Variants in TMPRSS11B observed in about 807,000 individuals in gnomAD.
TMPRSS11B encodes transmembrane protease serine 11B.
TMPRSS11B carries 53 observed loss-of-function variants against 44.7 expected under a neutral mutation model. The observed-to-expected ratio is 1.19, with a 90% CI of 0.95 to 1.49. The LOEUF is 1.49. TMPRSS11B is among the 40% of genes most tolerant of loss of function. The probability of loss-of-function intolerance (pLI) is 0.00; values close to 1 mark genes in which losing one functional copy is unlikely to be tolerated. For synonymous variants in TMPRSS11B, 140 were observed against 159.2 expected (o/e 0.88, Z 0.91); for missense variants, 526 against 494.8 (o/e 1.06, Z -0.60).
chr4:68,231,066 G>T, intron 7 of TMPRSS11B, 137 bp downstream of exon 7: 1 of 650,312 alleles, frequency 1.5e-6, no homozygotes, highest in African/African-American at 1.9e-5. Context: ...TAATTACGCA[G>T]GTGATTGTAA....
chr4:68,230,049 G>A (rs1259790432), intron 7 of TMPRSS11B, among the ~76,000 whole-genome samples: 1 of 152,142 alleles, frequency 6.6e-6, no homozygotes, highest in Non-Finnish European at 1.5e-5. Context: ...CATTTAGTTT[G>A]GATAATAGCC....
chr4:68,243,002 G>A (rs1238946598), intron 1 of TMPRSS11B, among the ~76,000 whole-genome samples: 1 of 152,176 alleles, frequency 6.6e-6, no homozygotes, highest in African/African-American at 2.4e-5. Flanking sequence ...CGGCATCATA[G>A]AGATAAAGCA....
At chr4:68,237,981 C>T (rs141807160) in intron 2 of TMPRSS11B, among the ~76,000 whole-genome samples, 2 of 152,210 alleles carry the variant, frequency 1.3e-5, no homozygotes, top group African/African-American at 4.8e-5. Flanking sequence ...TGCACCACTG[C>T]ACTCCAGACT....
intron 8 of TMPRSS11B, 87 bp downstream of exon 8, chr4:68,229,170 G>C (rs1719435387): frequency 1.1e-5 from 14 of 1,309,530 alleles, no homozygotes; most frequent in Admixed American, 4.7e-5. Flanking sequence ...TTGATTAATT[G>C]CATGAGGGGA....
intron 1 of TMPRSS11B, among the ~76,000 whole-genome samples, chr4:68,245,228 A>G (rs911022718): frequency 6.6e-6 from 1 of 152,208 alleles, no homozygotes; most frequent in Admixed American, 6.5e-5. Context: ...ACATTACTAG[A>G]GAATAAAAAC....
intron 2 of TMPRSS11B, 75 bp downstream of exon 2, chr4:68,241,614 C>T (rs142785506): frequency 1.2e-6 from 1 of 864,698 alleles, no homozygotes; most frequent in South Asian, 1.8e-5. Flanking sequence ...ATTTAATGTT[C>T]ATGTTGTTTT....
At chr4:68,244,579 G>A (rs1719950113) in intron 1 of TMPRSS11B, among the ~76,000 whole-genome samples, 1 of 152,172 alleles carries the variant, frequency 6.6e-6, no homozygotes, top group African/African-American at 2.4e-5. Context: ...AAAAATAAAT[G>A]AAAACTCATT....
In TMPRSS11B at chr4:68,241,675, T is replaced by C. The variant is rs775957990; in HGVS notation, c.124+14A>G. ...TTATAGCAAGGATGAAAACTGAAAA[T>C]AATCAGTACTCACCAACTGCCAGAA... On this transcript the variant is annotated intron_variant, in intron 2 of 9. Transcript: ENST00000332644. The C allele has an allele frequency of 4.7e-6, 7 of 1,491,202 alleles. No homozygotes were observed. Among genetic ancestry groups the C allele is most frequent in the East Asian group, 2.3e-5 (1 of 44,236 alleles). The allele number at this position is 1,491,202 out of a possible 1,614,324, so 92.4% of individuals were successfully genotyped here. A position where few individuals can be genotyped will look rare whatever the true frequency, so the allele number is the denominator to read the frequency against.
intron 4 of TMPRSS11B, 137 bp from the exon 5 acceptor site, chr4:68,234,760 C>A (rs1343450298): frequency 1.2e-6 from 1 of 861,486 alleles, no homozygotes; most frequent in South Asian, 1.9e-5. Flanking sequence ...ACTATCTAAG[C>A]ATGTATAAAA....
In TMPRSS11B at chr4:68,228,892, C is replaced by G. The variant is rs563351333; in HGVS notation, c.947-8G>C. ...GTATCACTGGAAATGAACCTAAAAG[C>G]AATAAGTGCTGCATATTATGCAGAT... is the stretch of plus-strand genomic sequence containing the variant. On this transcript the variant is annotated splice_region_variant and splice_polypyrimidine_tract_variant and intron_variant, in intron 8 of 9. Coordinates refer to ENST00000332644, the MANE Select transcript of TMPRSS11B (RefSeq NM_182502.3). The G allele has an allele frequency of 3.7e-6, 6 of 1,610,822 alleles. No homozygotes were observed. In the African/African-American group the frequency reaches 8.0e-5, roughly 22 times the overall value.
chr4:68,241,192 G>A (rs1288067118), intron 2 of TMPRSS11B, among the ~76,000 whole-genome samples: 2 of 152,078 alleles, frequency 1.3e-5, no homozygotes, highest in Non-Finnish European at 2.9e-5. Context: ...AGCTTTGTGA[G>A]TATACTGTTA....
chr4:68,242,285 T>A lies in TMPRSS11B; in HGVS notation c.9-481A>T, dbSNP rs1481106490. Reference sequence around the variant, plus strand: ...ATATATAATATAATATTATATATATTATATTATACATAATATAATATATAT... The same window carrying A: ...ATATATAATATAATATTATATATATAATATTATACATAATATAATATATAT... On this transcript the variant is annotated intron_variant, in intron 1 of 9. Transcript: ENST00000332644. Among the ~76,000 whole-genome samples, 19 of 17,702 alleles carry A rather than the reference T, an allele frequency of 1.1e-3. No individual in the cohort carries two copies. In the South Asian group the frequency reaches 0.017, roughly 16 times the overall value. 11.6% of individuals were successfully genotyped at this position (17,702 alleles called of 152,430 possible).
rs527269364 is a variant in TMPRSS11B at position 68,232,380 on chromosome 4, T to C, written c.506A>G (p.Asn169Ser). ...SKAASEMLTN[N>S]CCGRQVANSI... ...TAATTAAAAGGTCCTTAACTTACAGTTGTTGGTAAGCATTTCAGAAGCAGC... is the reference window on the plus strand; with the variant it reads ...TAATTAAAAGGTCCTTAACTTACAGCTGTTGGTAAGCATTTCAGAAGCAGC... Residue 169 changes from asparagine (N) to serine (S), a missense_variant and splice_region_variant, in exon 6 of 10, where the codon AAC (asparagine) becomes AGC (serine). Coordinates refer to ENST00000332644, the MANE Select transcript of TMPRSS11B (RefSeq NM_182502.3). 2.0e-5 allele frequency: 32 copies of C among 1,612,612 alleles called. No individual in the cohort carries two copies. The East Asian group carries it at 6.0e-4, about 30-fold the overall frequency.
chr4:68,245,407 C>A lies in TMPRSS11B; in HGVS notation c.8+144G>T, dbSNP rs531532980. 7.7e-6 allele frequency: 7 copies of A among 904,910 alleles called. No homozygotes were observed. The East Asian group carries it at 9.9e-5, about 13-fold the overall frequency. 56.1% of individuals were successfully genotyped at this position (904,910 alleles called of 1,614,324 possible). A position where few individuals can be genotyped will look rare whatever the true frequency, so the allele number is the denominator to read the frequency against. ...CCAGAGACTTCAAAGGGTCTGTAGA[C>A]CTCAGACAATAGAGTGTTTCTTAAC... On this transcript the variant is annotated intron_variant, in intron 1 of 9. Coordinates refer to ENST00000332644, the MANE Select transcript of TMPRSS11B (RefSeq NM_182502.3).
rs1485072440 is a variant in TMPRSS11B, at chr4:68,229,383, C to T, written c.820G>A (p.Val274Met). 6.2e-7 allele frequency: 1 copy of T among 1,614,070 alleles called. No homozygotes were observed. The highest frequency in any genetic ancestry group is 2.2e-5 in the East Asian group (1 of 44,860). ...SPGLHDDIAL[V>M]QLAEEVSFTE... ...AAAGAAACTTCTTCAGCAAGCTGCA[C>T]AAGGGCAATATCATCATGAAGCCCA... Residue 274 changes from valine (V) to methionine (M), a missense_variant, in exon 8 of 10, where the codon GTG (valine) becomes ATG (methionine). Physicochemically the swap from Val to Met is conservative, Grantham distance 21. Coordinates refer to ENST00000332644, the MANE Select transcript of TMPRSS11B (RefSeq NM_182502.3).
intron 2 of TMPRSS11B, among the ~76,000 whole-genome samples, chr4:68,236,987 A>G (rs1265958370): frequency 6.6e-6 from 1 of 151,624 alleles, no homozygotes; most frequent in Non-Finnish European, 1.5e-5. Context: ...CGTGCAGAAC[A>G]TGCAGATTTG....
At chr4:68,244,836 A>G (rs1369207394) in intron 1 of TMPRSS11B, among the ~76,000 whole-genome samples, 2 of 152,240 alleles carry the variant, frequency 1.3e-5, no homozygotes, top group South Asian at 2.1e-4. Flanking sequence ...TTTGAATTAG[A>G]TGTGCCTGAA....
At chr4:68,228,644 C>T (rs1719419304) in intron 9 of TMPRSS11B, 98 bp downstream of exon 9, 1 of 1,199,032 alleles carries the variant, frequency 8.3e-7, no homozygotes, top group Non-Finnish European at 1.2e-6. Context: ...TACAAAGCTA[C>T]TATGTCAGTA....
intron 8 of TMPRSS11B, 146 bp downstream of exon 8, chr4:68,229,111 T>C (rs1577974535): frequency 1.0e-6 from 1 of 969,014 alleles, no homozygotes; most frequent in East Asian, 2.6e-5. Context: ...CAATTTGACA[T>C]CATGCTTTTT....
Sources: gnomAD v4.1 joint callset for allele counts (sites outside exome capture counted in the v4.1 genomes callset) on GRCh38, gnomAD v4.1.1 for gene constraint, MANE v1.5 for transcripts, NCBI Gene and HGNC (gene_info 2026-07-23, HGNC 2026-07-21) for gene names.